PHF3: variants seen among roughly 807,000 people sequenced by gnomAD.
PHF3 encodes PHD finger protein 3.
PHF3 carries 41 observed loss-of-function variants against 178.4 expected under a neutral mutation model. That is an observed-to-expected ratio of 0.23 (90% CI 0.18 to 0.30). PHF3 has a LOEUF of 0.30. Among genes scored for constraint, PHF3 ranks in the 10% least tolerant of loss-of-function variants. PHF3 has a pLI of 1.00. For missense variants in PHF3, 2,346 were observed against 2,398.1 expected (o/e 0.98, Z 0.45); for synonymous variants, 842 against 800.5 (o/e 1.05, Z -0.88).
At chr6:63,659,602 T>C (rs1287532587) in intron 2 of PHF3, among the ~76,000 whole-genome samples, 2 of 152,110 alleles carry the variant, frequency 1.3e-5, no homozygotes, top group African/African-American at 4.8e-5. Context: ...ATACTACAGG[T>C]TGAGTATCCC....
intron 11 of PHF3, among the ~76,000 whole-genome samples, chr6:63,705,460 CATAGGGGTGCAA>C (rs1169350629): frequency 6.6e-6 from 1 of 152,214 alleles, no homozygotes; most frequent in Non-Finnish European, 1.5e-5. Context: ...GTTAGGTTCT[CATAGGGGTGCAA>C]ACCCTATTGT....
intron 2 of PHF3, among the ~76,000 whole-genome samples, chr6:63,655,532 C>T (rs1765197437): frequency 6.6e-6 from 1 of 152,088 alleles, no homozygotes; most frequent in Admixed American, 6.5e-5. Flanking sequence ...CTTTTAAGGT[C>T]TGTTCCAAAC....
At position 63,720,697 on chromosome 6, in the gene PHF3, T is replaced by C. The variant is rs1267963237; in HGVS notation, c.*6989T>C. Reference sequence around the variant, plus strand: ...TCCTGAAAAAATACAACATCTTTAATTTTGCCAACAAAATTGGTTTTAAAA... The same window carrying C: ...TCCTGAAAAAATACAACATCTTTAACTTTGCCAACAAAATTGGTTTTAAAA... On this transcript the variant is annotated 3_prime_UTR_variant, in exon 16 of 16. Coordinates refer to ENST00000262043, the MANE Select transcript of PHF3 (RefSeq NM_001370348.2). 2.6e-6 allele frequency: 4 copies of C among 1,548,440 alleles called. No homozygotes were observed. The South Asian group carries it at 3.6e-5, about 14-fold the overall frequency.
intron 2 of PHF3, among the ~76,000 whole-genome samples, chr6:63,679,228 G>A (rs1239753980): frequency 1.3e-5 from 2 of 151,954 alleles, no homozygotes; most frequent in Admixed American, 6.6e-5. Context: ...TGGCTAAGTG[G>A]CATTTGTTCT....
In PHF3 at chr6:63,685,870, C is replaced by G. The variant is rs769705184; in HGVS notation, c.2148C>G (p.Pro716=). 3 of 1,613,170 alleles carry G rather than the reference C, an allele frequency of 1.9e-6. No individual in the cohort carries two copies. Among genetic ancestry groups the G allele is most frequent in the Non-Finnish European group, 2.5e-6 (3 of 1,179,970 alleles). Residue 716 remains proline (P), a synonymous_variant, in exon 4 of 16, where the codon CCC becomes CCG. Transcript: ENST00000262043. ...SSFESKYMWT[P]SKQCGFCKKP... is the part of the protein sequence containing the mutation. ...TTGAAAGCAAATATATGTGGACTCC[C>G]AGCAAGCAGTGTGGGTTTTGCAAAA...
Position 63,639,333 on chromosome 6 carries a change from A to G in PHF3, c.-26+3183A>G, listed in dbSNP as rs376109024. On this transcript the variant is annotated intron_variant, in intron 1 of 15. Transcript: ENST00000262043. The stretch of plus-strand genomic sequence containing the variant: ...CGTTTGTAATTTGCATGAGCTGGGC[A>G]CATGAAAGCATAAAGTTTTAGACTG... Among the ~76,000 whole-genome samples the G allele has an allele frequency of 2.6e-5, 4 of 152,290 alleles. No individual in the cohort carries two copies. In the East Asian group the frequency reaches 5.8e-4, roughly 22 times the overall value.
chr6:63,707,408 G>A (rs1416545291), intron 13 of PHF3, among the ~76,000 whole-genome samples: 1 of 152,070 alleles, frequency 6.6e-6, no homozygotes, highest in African/African-American at 2.4e-5. Context: ...TGATACCCTT[G>A]GTTGGTTCTA....
rs2295184 is a variant in PHF3 at position 63,707,101 on chromosome 6, T to G, written c.3711+225T>G. 0.083 allele frequency among the ~76,000 whole-genome samples: 12,623 copies of G among 152,314 alleles called. 563 individuals carry two copies. Among genetic ancestry groups the G allele is most frequent in the East Asian group, 0.15 (776 of 5,186 alleles). Reference sequence around the variant, plus strand: ...CCTATGTCCTGCACTTTTCCCAAGATGTACTGCCTCACTGTGTCAGATAAT... The same window carrying G: ...CCTATGTCCTGCACTTTTCCCAAGAGGTACTGCCTCACTGTGTCAGATAAT... On this transcript the variant is annotated intron_variant, in intron 13 of 15. Coordinates refer to ENST00000262043, the MANE Select transcript of PHF3 (RefSeq NM_001370348.2).
rs1768381543 is a variant in PHF3 at position 63,721,372 on chromosome 6, C to A, written c.*7664C>A. On this transcript the variant is annotated 3_prime_UTR_variant, in exon 16 of 16. Coordinates refer to ENST00000262043, the MANE Select transcript of PHF3 (RefSeq NM_001370348.2). ...GTGCCATTTACTGTACATTCACCTC[C>A]ATTTCTGCATGTGTTGTACCCACAG... The A allele has an allele frequency of 1.3e-6, 2 of 1,551,732 alleles. No individual in the cohort carries two copies. Among genetic ancestry groups the A allele is most frequent in the Admixed American group, 2.0e-5 (1 of 50,970 alleles).
chr6:63,697,075 A>G (rs1162077584), intron 6 of PHF3, among the ~76,000 whole-genome samples: 2 of 152,086 alleles, frequency 1.3e-5, no homozygotes, highest in African/African-American at 4.8e-5. Context: ...CTAGAGAGAG[A>G]TGATGTTGAT....
chr6:63,658,517 T>G (rs78631633), intron 2 of PHF3, among the ~76,000 whole-genome samples: 1,798 of 152,268 alleles, frequency 0.012, 30 homozygotes, highest in African/African-American at 0.041. Flanking sequence ...TCCAGTAATT[T>G]TTACTTAGGG....
At chr6:63,693,092 A>G (rs1463129170) in intron 5 of PHF3, among the ~76,000 whole-genome samples, 1 of 152,072 alleles carries the variant, frequency 6.6e-6, no homozygotes, top group Non-Finnish European at 1.5e-5. Context: ...TGTCCTTCTG[A>G]TACGTGTTAT....
In PHF3 at chr6:63,720,820, C is replaced by G. The variant is rs1384417816; in HGVS notation, c.*7112C>G. 13 of 1,551,002 alleles carry G rather than the reference C, an allele frequency of 8.4e-6. No homozygotes were observed. The highest frequency in any genetic ancestry group is 1.1e-5 in the Non-Finnish European group (13 of 1,146,690). On this transcript the variant is annotated 3_prime_UTR_variant, in exon 16 of 16. Transcript: ENST00000262043. Reference sequence around the variant, plus strand: ...AGAGCCACAAAGTTTTTATGTGGATCAATATCCTCGGAAAGAATTAGACTG... The same window carrying G: ...AGAGCCACAAAGTTTTTATGTGGATGAATATCCTCGGAAAGAATTAGACTG...
At chr6:63,679,099 T>G (rs1262248644) in intron 2 of PHF3, 3 of 128,976 alleles carry the variant, frequency 2.3e-5, no homozygotes, top group Non-Finnish European at 4.9e-5. Context: ...GATAAAGGTG[T>G]TTTTTTTTTT....
At chr6:63,699,381 T>G (rs914909606) in intron 8 of PHF3, among the ~76,000 whole-genome samples, 3 of 152,204 alleles carry the variant, frequency 2.0e-5, no homozygotes, top group Admixed American at 1.3e-4. Context: ...AGATGCAACC[T>G]TTTTGCATAA....
intron 2 of PHF3, among the ~76,000 whole-genome samples, chr6:63,671,259 A>G (rs1194906059): frequency 6.6e-6 from 1 of 152,220 alleles, no homozygotes; most frequent in Non-Finnish European, 1.5e-5. Context: ...TTTAACAAAT[A>G]TTTATTGCAT....
chr6:63,646,471 G>C, intron 1 of PHF3, 56 bp from the exon 2 acceptor site: 2 of 1,247,796 alleles, frequency 1.6e-6, no homozygotes, highest in Non-Finnish European at 2.2e-6. Context: ...TTTGGTATTA[G>C]GTGATTTTCA....
At chr6:63,660,247 A>G (rs1765409059) in intron 2 of PHF3, among the ~76,000 whole-genome samples, 1 of 152,006 alleles carries the variant, frequency 6.6e-6, no homozygotes, top group Non-Finnish European at 1.5e-5. Flanking sequence ...ACGTGCTCTA[A>G]AGATGTGCCT....
intron 3 of PHF3, 42 bp from the exon 4 acceptor site, chr6:63,684,087 A>G (rs753511723): frequency 9.1e-6 from 13 of 1,421,738 alleles, no homozygotes; most frequent in Middle Eastern, 1.8e-4. Flanking sequence ...GCACATGACA[A>G]AATAGCTAAG....
Sources: gnomAD v4.1 joint callset for allele counts (sites outside exome capture counted in the v4.1 genomes callset) on GRCh38, gnomAD v4.1.1 for gene constraint, MANE v1.5 for transcripts, NCBI Gene and HGNC (gene_info 2026-07-23, HGNC 2026-07-21) for gene names.